Variants in NSRP1 observed in about 807,000 individuals in gnomAD.
NSRP1 encodes the protein nuclear speckle splicing regulatory protein 1, also known as coiled-coil domain containing 55.
In NSRP1, 24 loss-of-function variants were observed where a neutral mutation model predicts 54.7. The ratio of observed to expected loss-of-function variants is 0.44; its 90% CI spans 0.32 to 0.62. The LOEUF (loss-of-function observed/expected upper bound fraction) is 0.62, where lower values mean the gene tolerates loss of function less well. Ranked by LOEUF, NSRP1 falls within the 20% of genes least tolerant of loss-of-function variation. The pLI is 0.06. For missense variants in NSRP1, 596 were observed against 651.2 expected (o/e 0.92, Z 0.92); for synonymous variants, 210 against 213.8 (o/e 0.98, Z 0.15).
intron 2 of NSRP1, among the ~76,000 whole-genome samples, chr17:30,119,473 A>G (rs1356562736): frequency 1.3e-5 from 2 of 151,974 alleles, no homozygotes; most frequent in Non-Finnish European, 2.9e-5. Flanking sequence ...GGCCTCCCAA[A>G]GTGTTGGGAT....
At chr17:30,121,113 G>A (rs1211858395) in intron 2 of NSRP1, among the ~76,000 whole-genome samples, 1 of 152,174 alleles carries the variant, frequency 6.6e-6, no homozygotes, top group East Asian at 1.9e-4. Flanking sequence ...AAATGTTGCA[G>A]ATACGGTTGT....
intron 2 of NSRP1, among the ~76,000 whole-genome samples, chr17:30,132,573 C>G (rs2071710945): frequency 6.6e-6 from 1 of 152,152 alleles, no homozygotes; most frequent in Non-Finnish European, 1.5e-5. Flanking sequence ...AAACCATTTT[C>G]TTTGCTCATC....
At chr17:30,133,748 A>G (rs2071723537) in intron 2 of NSRP1, among the ~76,000 whole-genome samples, 1 of 152,194 alleles carries the variant, frequency 6.6e-6, no homozygotes, top group African/African-American at 2.4e-5. Context: ...TTTTCTGGAT[A>G]ACTTACTGCA....
intron 2 of NSRP1, chr17:30,122,351 T>TA (rs1567788455): frequency 1.7e-4 from 8 of 48,310 alleles, no homozygotes; most frequent in African/African-American, 6.9e-4. Flanking sequence ...AACTCTGGTT[T>TA]CATATATATA....
chr17:30,162,102 A>G (rs1195087602), intron 2 of NSRP1, among the ~76,000 whole-genome samples: 4 of 149,988 alleles, frequency 2.7e-5, no homozygotes, highest in East Asian at 2.0e-4. Flanking sequence ...GCTCACTACA[A>G]CCTCCTCCAT....
rs1283908731 is a variant in NSRP1, at chr17:30,182,729, T to C, written c.617+1713T>C. Among the ~76,000 whole-genome samples, 5 of 152,114 alleles carry C rather than the reference T, an allele frequency of 3.3e-5. No homozygotes were observed. In the South Asian group the frequency reaches 8.3e-4, roughly 25 times the overall value. ...GCGGGCGGATTGCGAGGTCAGGAGA[T>C]TGAGACCATCCTGGCCAGCACGGTG... On this transcript the variant is annotated intron_variant, in intron 6 of 6. Transcript: ENST00000247026.
rs1449258196 is a variant in NSRP1 at position 30,185,134 on chromosome 17, A to G, written c.1137A>G (p.Lys379=). The change falls in exon 7 of 7, where the codon AAA becomes AAG. Residue 379 remains lysine, a synonymous_variant. Transcript: ENST00000247026. The part of the protein sequence containing the change: ...DQRERSDRVW[K]REKDREKYSQ... ...GAGAAAGAAGTGACAGAGTATGGAA[A>G]AGGGAGAAAGATAGGGAGAAATATT... 2 of 1,605,586 alleles carry G rather than the reference A, an allele frequency of 1.2e-6. No homozygotes were observed. Among genetic ancestry groups the G allele is most frequent in the East Asian group, 4.5e-5 (2 of 44,696 alleles).
At chr17:30,155,572 C>CTA (rs2071954217) in intron 2 of NSRP1, among the ~76,000 whole-genome samples, 1 of 152,106 alleles carries the variant, frequency 6.6e-6, no homozygotes, top group Non-Finnish European at 1.5e-5. Context: ...TGGGGTCTCA[C>CTA]TATATTGCCC....
At chr17:30,132,659 C>T (rs1233494259) in intron 2 of NSRP1, among the ~76,000 whole-genome samples, 1 of 152,236 alleles carries the variant, frequency 6.6e-6, no homozygotes, top group African/African-American at 2.4e-5. Context: ...ATGAGCAGTT[C>T]AGTCACATCT....
intron 5 of NSRP1, 133 bp downstream of exon 5, chr17:30,179,430 A>C (rs2143010089): frequency 2.2e-6 from 3 of 1,336,796 alleles, no homozygotes; most frequent in African/African-American, 2.9e-5. Flanking sequence ...AATTCAAGAC[A>C]CAAGGAATAT....
intron 2 of NSRP1, among the ~76,000 whole-genome samples, chr17:30,132,387 T>C (rs778743851): frequency 3.3e-5 from 5 of 151,894 alleles, no homozygotes; most frequent in African/African-American, 7.3e-5. Flanking sequence ...ACCCCGTCTC[T>C]ACTAAAAAAT....
At chr17:30,166,638 C>G (rs1353494467) in intron 2 of NSRP1, among the ~76,000 whole-genome samples, 1 of 151,962 alleles carries the variant, frequency 6.6e-6, no homozygotes, top group Non-Finnish European at 1.5e-5. Context: ...GGGTAGTCAC[C>G]CTGGCCAGGT....
chr17:30,172,674 G>C, intron 3 of NSRP1, 76 bp downstream of exon 3: 1 of 1,180,760 alleles, frequency 8.5e-7, no homozygotes, highest in Non-Finnish European at 1.2e-6. Context: ...TTGGTATCTA[G>C]GTGCTGAGAC....
At chr17:30,150,659 C>CG (rs2143003639) in intron 2 of NSRP1, 1 of 149,362 alleles carries the variant, frequency 6.7e-6, no homozygotes, top group East Asian at 2.0e-4. Flanking sequence ...CATGAGCCAC[C>CG]GCGCCCAGCC....
At chr17:30,174,377 A>G (rs964968266) in intron 3 of NSRP1, among the ~76,000 whole-genome samples, 1 of 152,182 alleles carries the variant, frequency 6.6e-6, no homozygotes, top group Non-Finnish European at 1.5e-5. Context: ...GATTCAGCTC[A>G]TCGAATGTCT....
intron 2 of NSRP1, among the ~76,000 whole-genome samples, chr17:30,161,372 T>C (rs1003423123): frequency 1.3e-5 from 2 of 152,234 alleles, no homozygotes; most frequent in African/African-American, 4.8e-5. Flanking sequence ...GTCTCTTGTC[T>C]GTGGATCTGC....
intron 2 of NSRP1, among the ~76,000 whole-genome samples, chr17:30,160,337 A>G (rs1333011396): frequency 6.6e-6 from 1 of 152,172 alleles, no homozygotes; most frequent in Non-Finnish European, 1.5e-5. Context: ...GTTAGGAAGA[A>G]TTCCCTTCTC....
rs1208247104 is a variant in NSRP1, at chr17:30,177,895, C to T, written c.172-176C>T. On this transcript the variant is annotated intron_variant, in intron 3 of 6. Coordinates refer to ENST00000247026, the MANE Select transcript of NSRP1 (RefSeq NM_032141.4). ...CCCGGAGTAATTAGTAAGTGTAGAG[C>T]CAGCATTCATACCCAGGCAGCCTGG... 4 of 730,944 alleles carry T rather than the reference C, an allele frequency of 5.5e-6. No homozygotes were observed. The African/African-American group carries it at 7.1e-5, about 13-fold the overall frequency. The allele number at this position is 730,944 out of a possible 1,614,324, so 45.3% of individuals were successfully genotyped here.
Position 30,185,780 on chromosome 17 carries a change from T to A in NSRP1, c.*106T>A. 7.8e-7 allele frequency: 1 copy of A among 1,278,280 alleles called. No individual in the cohort carries two copies. Among genetic ancestry groups the A allele is most frequent in the Middle Eastern group, 1.9e-4 (1 of 5,192 alleles). The allele number at this position is 1,278,280 out of a possible 1,614,324, so 79.2% of individuals were successfully genotyped here. ...GTGTTACCAGTAGTTTGGAGGGCATTTTTAAATTTATTTTCAAAATTTTAA... is the reference window on the plus strand; with the variant it reads ...GTGTTACCAGTAGTTTGGAGGGCATATTTAAATTTATTTTCAAAATTTTAA... On this transcript the variant is annotated 3_prime_UTR_variant, in exon 7 of 7. Coordinates refer to ENST00000247026, the MANE Select transcript of NSRP1 (RefSeq NM_032141.4).
Sources: allele counts gnomAD v4.1 joint callset (sites outside exome capture counted in the v4.1 genomes callset), GRCh38; gene constraint gnomAD v4.1.1; transcripts MANE v1.5; gene names NCBI Gene and HGNC (gene_info 2026-07-23, HGNC 2026-07-21).